SERPINA3: variants seen among roughly 807,000 people sequenced by gnomAD.
The protein encoded by SERPINA3 is alpha-1-antichymotrypsin.
A neutral mutation model predicts 26.8 loss-of-function variants in SERPINA3; 32 were observed. The observed-to-expected ratio is 1.20, with a 90% CI of 0.90 to 1.61. The LOEUF (loss-of-function observed/expected upper bound fraction) is 1.61. Among genes scored for constraint, SERPINA3 ranks in the 40% most tolerant of loss-of-function variants. The pLI is 0.00. For missense variants in SERPINA3, 632 were observed against 517.9 expected, an observed-to-expected ratio of 1.22 and a Z score of -2.14; for synonymous variants, 252 against 206.4, an observed-to-expected ratio of 1.22 and a Z score of -1.89.
intron 3 of SERPINA3, 23 bp downstream of exon 3, chr14:94,619,491 G>C (rs768181018): frequency 6.2e-7 from 1 of 1,613,634 alleles, no homozygotes; most frequent in Non-Finnish European, 8.5e-7. Context: ...GGCCCCCAAA[G>C]ACCCCACATC....
intron 2 of SERPINA3, among the ~76,000 whole-genome samples, chr14:94,616,090 C>T (rs1885987247): frequency 6.6e-6 from 1 of 152,220 alleles, no homozygotes; most frequent in South Asian, 2.1e-4. Flanking sequence ...CTACTCCACG[C>T]CTCACGTGCC....
chr14:94,618,911 T>G, intron 2 of SERPINA3: 2 of 518,352 alleles, frequency 3.9e-6, no homozygotes, highest in East Asian at 3.4e-5. Flanking sequence ...TTCCCCCACT[T>G]TCCCTAAACC....
In SERPINA3 at chr14:94,614,913, A is replaced by C; in HGVS notation, c.472A>C (p.Lys158Gln). Residue 158 changes from lysine (K) to glutamine (Q), a missense_variant, in exon 2 of 5, where the codon AAG becomes CAG. Coordinates refer to ENST00000393078, the MANE Select transcript of SERPINA3 (RefSeq NM_001085.5). The part of the protein sequence containing the change: ...SLLDRFTEDA[K>Q]RLYGSEAFAT... ...GCTGGACAGGTTCACGGAGGATGCC[A>C]AGAGGCTGTATGGCTCCGAGGCCTT... 1.9e-6 allele frequency: 3 copies of C among 1,614,162 alleles called. No homozygotes were observed. The highest frequency in any genetic ancestry group is 1.3e-5 in the African/African-American group (1 of 75,060).
chr14:94,614,070 GCAT>G, intron 1 of SERPINA3: 1 of 272,688 alleles, frequency 3.7e-6, no homozygotes, highest in South Asian at 5.0e-5. Context: ...AGAGGAGCAG[GCAT>G]TCTGATTGGA....
At chr14:94,615,782 C>T (rs1164851070) in intron 2 of SERPINA3, among the ~76,000 whole-genome samples, 1 of 152,234 alleles carries the variant, frequency 6.6e-6, no homozygotes, top group African/African-American at 2.4e-5. Flanking sequence ...AGTGCCCAAT[C>T]CCATTGATAG....
chr14:94,622,766 A>C, intron 4 of SERPINA3: 8 of 484,470 alleles, frequency 1.7e-5, no homozygotes, highest in East Asian at 4.0e-5. Flanking sequence ...TTTACTATCC[A>C]TGGGGGCAAA....
chr14:94,619,629 C>A, intron 3 of SERPINA3, 161 bp downstream of exon 3: 5 of 811,884 alleles, frequency 6.2e-6, no homozygotes, highest in Non-Finnish European at 1.0e-5. Flanking sequence ...CTTGATTTTT[C>A]TTTTTCTTCT....
chr14:94,615,019 C>A lies in SERPINA3; in HGVS notation c.578C>A (p.Thr193Lys), dbSNP rs1230719721. Residue 193 changes from threonine (T) to lysine (K), a missense_variant, in exon 2 of 5, where the codon ACA (threonine) becomes AAA (lysine). Transcript: ENST00000393078. ...YVKNGTRGKI[T>K]DLIKDLDSQT... The stretch of plus-strand genomic sequence containing the variant: ...AAGAATGGAACTAGGGGGAAAATCA[C>A]AGATCTGATCAAGGACCTTGACTCG... 2.4e-5 allele frequency: 39 copies of A among 1,614,178 alleles called. No homozygotes were observed. The highest frequency in any genetic ancestry group is 3.2e-5 in the Non-Finnish European group (38 of 1,180,038).
intron 3 of SERPINA3, among the ~76,000 whole-genome samples, chr14:94,620,259 A>G (rs1159478233): frequency 1.3e-5 from 2 of 152,176 alleles, no homozygotes; most frequent in Admixed American, 6.5e-5. Context: ...AAGGCCTCTG[A>G]GGTGGAAGTG....
intron 3 of SERPINA3, among the ~76,000 whole-genome samples, chr14:94,621,582 G>A (rs921824184): frequency 4.6e-5 from 7 of 152,146 alleles, no homozygotes; most frequent in African/African-American, 1.7e-4. Flanking sequence ...GGTGGCAGGT[G>A]TGACCTGGGC....
chr14:94,615,761 C>G (rs762217188), intron 2 of SERPINA3, among the ~76,000 whole-genome samples: 5 of 152,202 alleles, frequency 3.3e-5, no homozygotes, highest in Non-Finnish European at 5.9e-5. Flanking sequence ...TTGCCAGATT[C>G]TAACTGGTCC....
intron 2 of SERPINA3, chr14:94,615,382 C>T: frequency 2.0e-6 from 1 of 507,698 alleles, no homozygotes; most frequent in Non-Finnish European, 3.7e-6. Flanking sequence ...AGAAGGAGCT[C>T]TCCTTTCAAA....
At chr14:94,617,231 T>A (rs949982383) in intron 2 of SERPINA3, among the ~76,000 whole-genome samples, 1 of 152,170 alleles carries the variant, frequency 6.6e-6, no homozygotes, top group African/African-American at 2.4e-5. Context: ...TACCCTGAGA[T>A]GGGTCCTTTC....
chr14:94,617,326 G>A (rs1886040267), intron 2 of SERPINA3, among the ~76,000 whole-genome samples: 1 of 152,168 alleles, frequency 6.6e-6, no homozygotes, highest in Admixed American at 6.5e-5. Flanking sequence ...GATGGTCTTT[G>A]GGGAGGGGAA....
chr14:94,615,070 A>G lies in SERPINA3; in HGVS notation c.629A>G (p.Tyr210Cys). 6.2e-7 allele frequency: 1 copy of G among 1,614,088 alleles called. No homozygotes were observed. The highest frequency in any genetic ancestry group is 2.2e-5 in the East Asian group (1 of 44,880). ...CAGACAATGATGGTCCTGGTGAATT[A>G]CATCTTCTTTAAAGGTGAGTGTGCC... ...DSQTMMVLVN[Y>C]IFFKAKWEMP... Residue 210 changes from tyrosine to cysteine, a missense_variant, in exon 2 of 5, where the codon TAC (tyrosine) becomes TGC (cysteine). Transcript: ENST00000393078.
intron 1 of SERPINA3, among the ~76,000 whole-genome samples, chr14:94,613,005 A>G (rs1198695977): frequency 6.6e-6 from 1 of 152,230 alleles, no homozygotes; most frequent in Non-Finnish European, 1.5e-5. Flanking sequence ...TTGCCCAAAC[A>G]GAAAAGACAA....
At position 94,619,389 on chromosome 14, in the gene SERPINA3, G is replaced by T; in HGVS notation, c.838G>T (p.Asp280Tyr). Residue 280 changes from aspartate to tyrosine, a missense_variant, in exon 3 of 5, where the codon GAT becomes TAT. By Grantham distance (160) the Asp-to-Tyr change is radical. Coordinates refer to ENST00000393078, the MANE Select transcript of SERPINA3 (RefSeq NM_001085.5). ...GNASALFILPDQDKMEEVEAM... is the reference protein window; with the variant it reads ...GNASALFILPYQDKMEEVEAM... ...TGCCAGCGCACTCTTCATCCTCCCT[G>T]ATCAAGACAAGATGGAGGAAGTGGA... 2 of 1,614,166 alleles carry T rather than the reference G, an allele frequency of 1.2e-6. No homozygotes were observed. Among genetic ancestry groups the T allele is most frequent in the Non-Finnish European group, 1.7e-6 (2 of 1,180,022 alleles).
chr14:94,616,752 C>T (rs553853365), intron 2 of SERPINA3, among the ~76,000 whole-genome samples: 22 of 152,176 alleles, frequency 1.4e-4, no homozygotes, highest in African/African-American at 2.2e-4. Flanking sequence ...GAATAAGAAG[C>T]GAAGGCCGTT....
intron 3 of SERPINA3, among the ~76,000 whole-genome samples, chr14:94,620,494 C>T (rs1047020736): frequency 6.6e-6 from 1 of 152,312 alleles, no homozygotes; most frequent in Middle Eastern, 3.4e-3. Context: ...GAAAACCTTG[C>T]CCTTCCTCCT....
Sources: gnomAD v4.1 joint callset for allele counts (sites outside exome capture counted in the v4.1 genomes callset) on GRCh38, gnomAD v4.1.1 for gene constraint, MANE v1.5 for transcripts, NCBI Gene and HGNC (gene_info 2026-07-23, HGNC 2026-07-21) for gene names.